The following NELL1 variants were observed in gnomAD, a reference collection of about 807,000 sequenced individuals.
NELL1 encodes neural EGFL like 1.
NELL1 carries 76 observed loss-of-function variants against 107.4 expected under a neutral mutation model. The ratio of observed to expected loss-of-function variants is 0.71; its 90% CI spans 0.59 to 0.86. The LOEUF (loss-of-function observed/expected upper bound fraction) is 0.86, where lower values mean the gene tolerates loss of function less well. NELL1 is among the 40% of genes least tolerant of loss of function. The pLI is 0.00. For synonymous variants in NELL1, 353 were observed against 341.2 expected (o/e 1.03, Z -0.38); for missense variants, 1,024 against 1,005.5 (o/e 1.02, Z -0.25).
At chr11:20,793,961 T>C (rs1190043728) in intron 3 of NELL1, among the ~76,000 whole-genome samples, 2 of 152,226 alleles carry the variant, frequency 1.3e-5, no homozygotes, top group Admixed American at 6.5e-5. Context: ...TATGACTTTA[T>C]ATGTAGCAAC....
intron 15 of NELL1, among the ~76,000 whole-genome samples, chr11:21,442,417 A>C (rs1853308655): frequency 1.3e-5 from 2 of 152,172 alleles, no homozygotes; most frequent in Non-Finnish European, 2.9e-5. Flanking sequence ...CTGGCACTGC[A>C]AATTCTTCAG....
chr11:20,886,894 G>A (rs939236806), intron 5 of NELL1, among the ~76,000 whole-genome samples: 1 of 149,460 alleles, frequency 6.7e-6, no homozygotes, highest in Admixed American at 6.6e-5. Context: ...TCCATTTAAT[G>A]TACAGTGTCA....
At chr11:21,416,287 A>T (rs757124974) in intron 15 of NELL1, among the ~76,000 whole-genome samples, 1 of 152,082 alleles carries the variant, frequency 6.6e-6, no homozygotes, top group Admixed American at 6.6e-5. Context: ...GTGCTAAATT[A>T]AATACTACCT....
At chr11:20,811,653 C>T (rs1368021019) in intron 3 of NELL1, among the ~76,000 whole-genome samples, 2 of 151,914 alleles carry the variant, frequency 1.3e-5, no homozygotes, top group African/African-American at 4.8e-5. Flanking sequence ...AGTTCTTTTA[C>T]CCCCTTGGTT....
chr11:21,336,299 A>G (rs570883821), intron 14 of NELL1, among the ~76,000 whole-genome samples: 1 of 152,150 alleles, frequency 6.6e-6, no homozygotes, highest in Admixed American at 6.5e-5. Flanking sequence ...CTTTTTATAT[A>G]CAGTATCTTA....
At chr11:20,711,844 G>T (rs1017234120) in intron 2 of NELL1, among the ~76,000 whole-genome samples, 9 of 152,126 alleles carry the variant, frequency 5.9e-5, no homozygotes, top group African/African-American at 1.2e-4. Flanking sequence ...TAGATAACCT[G>T]ATGACTGTGT....
intron 5 of NELL1, among the ~76,000 whole-genome samples, chr11:20,904,507 T>C (rs762426082): frequency 2.6e-5 from 4 of 152,128 alleles, no homozygotes; most frequent in Admixed American, 6.5e-5. Flanking sequence ...TAGTAGATCA[T>C]GTAAAGCAAA....
chr11:21,499,394 T>A (rs1185309642), intron 15 of NELL1, among the ~76,000 whole-genome samples: 1 of 152,128 alleles, frequency 6.6e-6, no homozygotes, highest in Non-Finnish European at 1.5e-5. Flanking sequence ...ATTTTCCACA[T>A]TGCTTTGTTG....
At chr11:20,821,336 C>A (rs1418077929) in intron 3 of NELL1, among the ~76,000 whole-genome samples, 3 of 152,188 alleles carry the variant, frequency 2.0e-5, no homozygotes, top group Non-Finnish European at 4.4e-5. Context: ...TACCACTGAG[C>A]AGCTTGCTCT....
chr11:20,917,126 G>A (rs914102104), intron 5 of NELL1, among the ~76,000 whole-genome samples: 17 of 152,042 alleles, frequency 1.1e-4, no homozygotes, highest in African/African-American at 3.6e-4. Context: ...ATTGCTCCCT[G>A]GTATTCCTCT....
At chr11:21,387,542 G>A (rs891631296) in intron 15 of NELL1, among the ~76,000 whole-genome samples, 3 of 151,806 alleles carry the variant, frequency 2.0e-5, no homozygotes, top group Non-Finnish European at 4.4e-5. Context: ...AAGGTAGTAC[G>A]GACAAGATTA....
At chr11:20,828,913 T>A (rs1857943197) in intron 3 of NELL1, among the ~76,000 whole-genome samples, 2 of 152,172 alleles carry the variant, frequency 1.3e-5, no homozygotes, top group African/African-American at 4.8e-5. Flanking sequence ...GCCAAGATTT[T>A]ATTGGGAAAA....
At chr11:21,381,898 G>C in intron 15 of NELL1, among the ~76,000 whole-genome samples, 1 of 138,754 alleles carries the variant, frequency 7.2e-6, no homozygotes, top group South Asian at 2.4e-4. Context: ...ATGGTCCCTG[G>C]AAGGGATTTT....
intron 12 of NELL1, among the ~76,000 whole-genome samples, chr11:21,005,626 T>C (rs1241079393): frequency 6.6e-6 from 1 of 152,192 alleles, no homozygotes; most frequent in Non-Finnish European, 1.5e-5. Context: ...GCATTGGCAT[T>C]AACAACACAG....
At chr11:21,448,543 TATA>T (rs1853501465) in intron 15 of NELL1, among the ~76,000 whole-genome samples, 1 of 152,184 alleles carries the variant, frequency 6.6e-6, no homozygotes, top group African/African-American at 2.4e-5. Context: ...GGTGTACATA[TATA>T]ATATTTTTAG....
chr11:21,060,274 C>G (rs1286285654), intron 12 of NELL1, among the ~76,000 whole-genome samples: 3 of 152,132 alleles, frequency 2.0e-5, no homozygotes, highest in Non-Finnish European at 4.4e-5. Flanking sequence ...CTATGAGTCT[C>G]GATTTCTCCT....
At chr11:21,572,712 T>C (rs1414474467) in intron 18 of NELL1, among the ~76,000 whole-genome samples, 1 of 151,886 alleles carries the variant, frequency 6.6e-6, no homozygotes, top group African/African-American at 2.4e-5. Context: ...TTAAATTTGA[T>C]TGAAATATTA....
chr11:21,002,113 T>C (rs1373114692), intron 12 of NELL1, among the ~76,000 whole-genome samples: 1 of 152,162 alleles, frequency 6.6e-6, no homozygotes, highest in East Asian at 1.9e-4. Context: ...AAGGTCTTTC[T>C]TGAAGAGAGA....
intron 2 of NELL1, among the ~76,000 whole-genome samples, chr11:20,728,879 C>T (rs186751340): frequency 1.2e-3 from 179 of 152,186 alleles, no homozygotes; most frequent in African/African-American, 4.1e-3. Context: ...AGTGTTGAAT[C>T]TGTAGATTGC....
Sources: gnomAD v4.1 joint callset for allele counts (sites outside exome capture counted in the v4.1 genomes callset) on GRCh38, gnomAD v4.1.1 for gene constraint, MANE v1.5 for transcripts, NCBI Gene and HGNC (gene_info 2026-07-23, HGNC 2026-07-21) for gene names.